PLEKHH2: variants seen among roughly 807,000 people sequenced by gnomAD.
PLEKHH2 encodes the protein pleckstrin homology, MyTH4 and FERM domain containing H2, also known as pleckstrin homology domain-containing family H member 2.
A neutral mutation model predicts 187.9 loss-of-function variants in PLEKHH2; 129 were observed. That is an observed-to-expected ratio of 0.69 (90% CI 0.59 to 0.79). The LOEUF (loss-of-function observed/expected upper bound fraction) is 0.79, where lower values mean the gene tolerates loss of function less well. Ranked by LOEUF, PLEKHH2 falls within the 30% of genes least tolerant of loss-of-function variation. The pLI is 0.00. For synonymous variants in PLEKHH2, 686 were observed against 605.6 expected (o/e 1.13, Z -1.95); for missense variants, 2,076 against 1,751.2 (o/e 1.19, Z -3.31).
intron 2 of PLEKHH2, among the ~76,000 whole-genome samples, chr2:43,660,640 C>G (rs1263193675): frequency 2.6e-5 from 3 of 114,244 alleles, no homozygotes; most frequent in Non-Finnish European, 5.1e-5. Flanking sequence ...CCACCACAGT[C>G]CCCAGAGTGT....
At position 43,692,655 on chromosome 2, in the gene PLEKHH2, G is replaced by T. The variant is rs143084156; in HGVS notation, c.328G>T (p.Glu110Ter). 7 of 1,612,808 alleles carry T rather than the reference G, an allele frequency of 4.3e-6. No individual in the cohort carries two copies. The African/African-American group carries it at 6.7e-5, about 15-fold the overall frequency. The change falls in exon 4 of 30, where the codon GAA becomes TAA. Residue 110 changes from glutamate (E) to a stop codon, truncating the protein, a stop_gained. Coordinates refer to ENST00000282406, the MANE Select transcript of PLEKHH2 (RefSeq NM_172069.4). LOFTEE classifies it high-confidence loss of function. The stretch of plus-strand genomic sequence containing the variant: ...CATTCAAAACTTGGAATTGCAACTT[G>T]AAGAGCAGGTTAGGAAGAATTTGAT... ...DVIQNLELQL[E>*]EQKQIRIQEA...
At chr2:43,676,048 G>C (rs1667757776) in intron 2 of PLEKHH2, 1 of 1,613,766 alleles carries the variant, frequency 6.2e-7, no homozygotes, top group Admixed American at 1.7e-5. Context: ...ACAGTGTTTG[G>C]TCCAGGTCTC....
In PLEKHH2 at chr2:43,705,330, A is replaced by G. The variant is rs1322799614; in HGVS notation, c.1727-992A>G. ...GAGTGGAGTGGTGTGATCATAGCTC[A>G]CTACCGCCTTGAACTCCTGGGCTCA... On this transcript the variant is annotated intron_variant, in intron 9 of 29. Coordinates refer to ENST00000282406, the MANE Select transcript of PLEKHH2 (RefSeq NM_172069.4). Among the ~76,000 whole-genome samples, 5 of 135,914 alleles carry G rather than the reference A, an allele frequency of 3.7e-5. No homozygotes were observed. The South Asian group carries it at 1.1e-3, about 30-fold the overall frequency. 89.2% of individuals were successfully genotyped at this position (135,914 alleles called of 152,430 possible).
rs532189155 is a variant in PLEKHH2, at chr2:43,682,188, C to T, written c.186+3263C>T. ...CATAACCACAATACCATCATCACAC[C>T]AAAAAATTACCAGTAATTCTTCAGT... On this transcript the variant is annotated intron_variant, in intron 3 of 29. Coordinates refer to ENST00000282406, the MANE Select transcript of PLEKHH2 (RefSeq NM_172069.4). 1.7e-4 allele frequency among the ~76,000 whole-genome samples: 26 copies of T among 152,280 alleles called. No individual in the cohort carries two copies. The South Asian group carries it at 5.4e-3, about 32-fold the overall frequency.
intron 2 of PLEKHH2, among the ~76,000 whole-genome samples, chr2:43,660,553 T>C (rs1472999382): frequency 6.8e-6 from 1 of 148,136 alleles, no homozygotes; most frequent in Non-Finnish European, 1.5e-5. Context: ...TGTGCCATGC[T>C]GGTGCGCTGC....
chr2:43,672,789 G>T (rs1168529601), intron 2 of PLEKHH2, among the ~76,000 whole-genome samples: 1 of 151,384 alleles, frequency 6.6e-6, no homozygotes, highest in Non-Finnish European at 1.5e-5. Flanking sequence ...CCTTTTTTCA[G>T]CTCCGTAAAA....
chr2:43,691,524 A>T (rs1311325948), intron 3 of PLEKHH2, among the ~76,000 whole-genome samples: 1 of 152,240 alleles, frequency 6.6e-6, no homozygotes, highest in Non-Finnish European at 1.5e-5. Context: ...AAAGTGTGCC[A>T]AACGGGAAGG....
intron 5 of PLEKHH2, 135 bp from the exon 6 acceptor site, chr2:43,695,006 ATT>A (rs1015192815): frequency 9.6e-6 from 4 of 417,232 alleles, no homozygotes; most frequent in South Asian, 9.3e-5. Context: ...TTAATCTGAG[ATT>A]TGTTTATCAT....
chr2:43,715,037 G>T (rs534229428), intron 15 of PLEKHH2, among the ~76,000 whole-genome samples: 1 of 152,256 alleles, frequency 6.6e-6, no homozygotes, highest in East Asian at 1.9e-4. Flanking sequence ...CAGCACTTAG[G>T]GAGGCTGAGG....
At position 43,767,389 on chromosome 2, in the gene PLEKHH2, T is replaced by G. The variant is rs1672657476; in HGVS notation, c.*1791T>G. 1 of 152,358 alleles carries G rather than the reference T, an allele frequency of 6.6e-6. No homozygotes were observed. Among genetic ancestry groups the G allele is most frequent in the Admixed American group, 6.5e-5 (1 of 15,286 alleles). 9.4% of individuals were successfully genotyped at this position (152,358 alleles called of 1,614,324 possible). A position where few individuals can be genotyped will look rare whatever the true frequency, so the allele number is the denominator to read the frequency against. ...TACATTGCTCAAATAATATTTTACT[T>G]TATTGATAATGACAAAAAGAATATT... On this transcript the variant is annotated 3_prime_UTR_variant, in exon 30 of 30. Transcript: ENST00000282406.
In PLEKHH2 at chr2:43,767,145, A is replaced by G. The variant is rs1000725165; in HGVS notation, c.*1547A>G. On this transcript the variant is annotated 3_prime_UTR_variant, in exon 30 of 30. Coordinates refer to ENST00000282406, the MANE Select transcript of PLEKHH2 (RefSeq NM_172069.4). ...TGAGTATACTTAATTTTATTTATGT[A>G]TAGAATATTTGTATTTATTTTTTGG... The G allele has an allele frequency of 1.3e-5, 2 of 152,620 alleles. No homozygotes were observed. The highest frequency in any genetic ancestry group is 4.8e-5 in the African/African-American group (2 of 41,462). 9.5% of individuals were successfully genotyped at this position (152,620 alleles called of 1,614,324 possible).
chr2:43,766,988 TA>T lies in PLEKHH2; in HGVS notation c.*1391del, dbSNP rs1461532568. 1 of 152,758 alleles carries T rather than the reference TA, an allele frequency of 6.5e-6. No homozygotes were observed. Among genetic ancestry groups the T allele is most frequent in the African/African-American group, 2.4e-5 (1 of 41,452 alleles). 9.5% of individuals were successfully genotyped at this position (152,758 alleles called of 1,614,324 possible). On this transcript the variant is annotated 3_prime_UTR_variant, in exon 30 of 30. Coordinates refer to ENST00000282406, the MANE Select transcript of PLEKHH2 (RefSeq NM_172069.4). ...GATAGAGTACTTAAATGCATTACTT[TA>T]TTAGGTTATGTAAGTGGTCAGTGCA... is the stretch of plus-strand genomic sequence containing the variant.
chr2:43,655,053 C>T (rs910466349), intron 2 of PLEKHH2, among the ~76,000 whole-genome samples: 3 of 151,234 alleles, frequency 2.0e-5, no homozygotes, highest in Non-Finnish European at 4.4e-5. Context: ...ATAAAGAAAT[C>T]AAAATTAGCC....
intron 2 of PLEKHH2, among the ~76,000 whole-genome samples, chr2:43,669,551 A>G (rs1161122072): frequency 4.6e-5 from 7 of 152,258 alleles, no homozygotes; most frequent in Non-Finnish European, 1.0e-4. Flanking sequence ...AGCATGAATC[A>G]TAATTAGAAA....
At position 43,743,449 on chromosome 2, in the gene PLEKHH2, AATAC is replaced by A. The variant is rs369164587; in HGVS notation, c.3400-381_3400-378del. On this transcript the variant is annotated intron_variant, in intron 22 of 29. Coordinates refer to ENST00000282406, the MANE Select transcript of PLEKHH2 (RefSeq NM_172069.4). ...CTGCCTATTAAAGAAACAAACATTA[AATAC>A]ATAAAGGTGTTCATTTATTTAAACA... 4.8e-3 allele frequency among the ~76,000 whole-genome samples: 738 copies of A among 152,348 alleles called. 4 individuals are homozygous for A. Among genetic ancestry groups the A allele is most frequent in the African/African-American group, 0.017 (693 of 41,576 alleles).
intron 3 of PLEKHH2, among the ~76,000 whole-genome samples, chr2:43,686,533 T>C (rs1290199572): frequency 6.6e-6 from 1 of 152,192 alleles, no homozygotes; most frequent in East Asian, 1.9e-4. Context: ...TCAATACTGC[T>C]CAGTCATTCT....
intron 5 of PLEKHH2, 138 bp downstream of exon 5, chr2:43,694,652 A>G (rs1474816933): frequency 4.5e-6 from 4 of 896,476 alleles, no homozygotes; most frequent in African/African-American, 1.8e-5. Context: ...GATAAATGAG[A>G]TATAGGTAGC....
In PLEKHH2 at chr2:43,754,869, C is replaced by CTTTT. The variant is rs3066318; in HGVS notation, c.3795+1127_3795+1130dup. 1.9e-3 allele frequency among the ~76,000 whole-genome samples: 209 copies of CTTTT among 108,720 alleles called. 2 individuals carry two copies. The highest frequency in any genetic ancestry group is 4.3e-3 in the African/African-American group (112 of 26,160). The allele number at this position is 108,720 out of a possible 152,430, so 71.3% of individuals were successfully genotyped here. Reference sequence around the variant, plus strand: ...TTTTTTATGGGCTCCTTAAAATCAACTTTTTTTTTTTTTTTTTTTTTGAGA... The same window carrying CTTTT: ...TTTTTTATGGGCTCCTTAAAATCAACTTTTTTTTTTTTTTTTTTTTTTTTTGAGA... On this transcript the variant is annotated intron_variant, in intron 25 of 29. Transcript: ENST00000282406.
At chr2:43,720,583 T>C in intron 15 of PLEKHH2, 86 bp from the exon 16 acceptor site, 1 of 1,563,184 alleles carries the variant, frequency 6.4e-7, no homozygotes, top group South Asian at 1.2e-5. Flanking sequence ...TGGATGCCTA[T>C]AGAAACTCAA....
Sources: gnomAD v4.1 joint callset for allele counts (sites outside exome capture counted in the v4.1 genomes callset) on GRCh38, gnomAD v4.1.1 for gene constraint, MANE v1.5 for transcripts, NCBI Gene and HGNC (gene_info 2026-07-23, HGNC 2026-07-21) for gene names.